The following SLC25A51 variants were observed in gnomAD, a reference collection of about 807,000 sequenced individuals.
SLC25A51 encodes the protein solute carrier family 25 member 51, also known as mitochondrial nicotinamide adenine dinucleotide transporter SLC25A51.
A neutral mutation model predicts 19.1 loss-of-function variants in SLC25A51; 11 were observed. That is an observed-to-expected ratio of 0.58 (90% CI 0.36 to 0.96). SLC25A51 has a LOEUF of 0.96. Among genes scored for constraint, SLC25A51 ranks in the 40% least tolerant of loss-of-function variants. SLC25A51 has a pLI of 0.01. For synonymous variants in SLC25A51, 105 were observed against 133.6 expected (o/e 0.79, Z 1.47); for missense variants, 201 against 365.4 (o/e 0.55, Z 3.67).
chr9:37,900,680 G>T (rs1831828061), intron 1 of SLC25A51, among the ~76,000 whole-genome samples: 1 of 151,934 alleles, frequency 6.6e-6, no homozygotes, highest in Non-Finnish European at 1.5e-5. Flanking sequence ...GCCTCCCAAA[G>T]TGCTGGGATT....
At chr9:37,885,459 C>T (rs10514828), downstream of SLC25A51, among the ~76,000 whole-genome samples, 8,147 of 150,980 alleles carry the variant, frequency 0.054, 565 homozygotes, top group African/African-American at 0.16. Context: ...CCTGGAGTTA[C>T]GACACCAACT....
At chr9:37,900,498 T>A (rs1288908283) in intron 1 of SLC25A51, among the ~76,000 whole-genome samples, 3 of 150,606 alleles carry the variant, frequency 2.0e-5, no homozygotes, top group Non-Finnish European at 4.4e-5. Flanking sequence ...CAGACTGGAG[T>A]ACGGTGGTAC....
intron 2 of SLC25A51, among the ~76,000 whole-genome samples, chr9:37,894,979 C>T (rs1831682996): frequency 6.6e-6 from 1 of 152,170 alleles, no homozygotes; most frequent in Non-Finnish European, 1.5e-5. Flanking sequence ...CATAGTATTC[C>T]ATGGTGTATG....
downstream of SLC25A51, among the ~76,000 whole-genome samples, chr9:37,882,747 C>G (rs1243573661): frequency 6.6e-6 from 1 of 152,184 alleles, no homozygotes; most frequent in African/African-American, 2.4e-5. Context: ...GTATAGGACA[C>G]AAGACCATAA....
At chr9:37,887,179 TG>T (rs1330435684), downstream of SLC25A51, among the ~76,000 whole-genome samples, 1 of 151,890 alleles carries the variant, frequency 6.6e-6, no homozygotes, top group Non-Finnish European at 1.5e-5. Context: ...TAGCTGGGCG[TG>T]GTGGCGGGCG....
At chr9:37,886,351 C>A (rs1831457708), downstream of SLC25A51, 2 of 1,612,694 alleles carry the variant, frequency 1.2e-6, no homozygotes, top group East Asian at 4.5e-5. Context: ...CTTCAACCCC[C>A]ACCACAGTGT....
downstream of SLC25A51, among the ~76,000 whole-genome samples, chr9:37,884,005 G>T (rs1335428380): frequency 2.6e-5 from 4 of 152,164 alleles, no homozygotes; most frequent in African/African-American, 2.4e-5. Flanking sequence ...TGGACTATTT[G>T]TCCAAGAACT....
At chr9:37,898,790 T>C (rs1345116311) in intron 2 of SLC25A51, among the ~76,000 whole-genome samples, 1 of 152,160 alleles carries the variant, frequency 6.6e-6, no homozygotes, top group Non-Finnish European at 1.5e-5. Context: ...ACTGAGAGAA[T>C]TTTCAAACAT....
At chr9:37,893,563 C>T (rs1156336030) in intron 2 of SLC25A51, among the ~76,000 whole-genome samples, 1 of 152,190 alleles carries the variant, frequency 6.6e-6, no homozygotes, top group African/African-American at 2.4e-5. Context: ...GCCATACCAC[C>T]TCTAAGGTCC....
chr9:37,887,573 TAAAAA>T, downstream of SLC25A51: 1 of 1,295,000 alleles, frequency 7.7e-7, no homozygotes, highest in Non-Finnish European at 1.0e-6. Context: ...GGATTTCCTT[TAAAAA>T]AAAAAAAAAA....
chr9:37,886,054 C>G, downstream of SLC25A51: 3 of 1,609,596 alleles, frequency 1.9e-6, no homozygotes, highest in Admixed American at 1.7e-5. Context: ...TTAAGTACAA[C>G]TGTACAGGGC....
At chr9:37,884,834 G>A (rs192077309), downstream of SLC25A51, among the ~76,000 whole-genome samples, 2 of 152,286 alleles carry the variant, frequency 1.3e-5, no homozygotes, top group Admixed American at 1.3e-4. Flanking sequence ...AATGAAATAA[G>A]TGAAATTATA....
At chr9:37,888,648 G>C (rs1831515764) in intron 2 of SLC25A51, 56 bp from the exon 3 acceptor site, 1 of 1,342,652 alleles carries the variant, frequency 7.4e-7, no homozygotes, top group South Asian at 1.4e-5. Context: ...TAAACACATG[G>C]GCTTTCTCCC....
intron 2 of SLC25A51, among the ~76,000 whole-genome samples, chr9:37,896,824 G>A (rs1034957837): frequency 2.0e-5 from 3 of 152,088 alleles, no homozygotes; most frequent in Non-Finnish European, 4.4e-5. Context: ...GGTTCAGAAC[G>A]GTATTAACTT....
At chr9:37,886,142 A>C (rs1314817434), downstream of SLC25A51, 2 of 1,432,828 alleles carry the variant, frequency 1.4e-6, no homozygotes, top group African/African-American at 1.4e-5. Flanking sequence ...ACCCCTCACC[A>C]ATCAACTCCC....
chr9:37,892,699 G>A (rs1831620758), intron 2 of SLC25A51, among the ~76,000 whole-genome samples: 1 of 151,058 alleles, frequency 6.6e-6, no homozygotes, highest in Admixed American at 6.6e-5. Flanking sequence ...TCAGCCCTCT[G>A]AGTACCTGGG....
chr9:37,899,658 C>G (rs892014759), intron 2 of SLC25A51, among the ~76,000 whole-genome samples, 171 bp downstream of exon 2: 5 of 152,294 alleles, frequency 3.3e-5, no homozygotes, highest in African/African-American at 1.2e-4. Flanking sequence ...AGCCTTGGCA[C>G]TCAGATAAGT....
At chr9:37,890,022 T>A (rs189610794) in intron 2 of SLC25A51, among the ~76,000 whole-genome samples, 2 of 151,976 alleles carry the variant, frequency 1.3e-5, no homozygotes, top group African/African-American at 4.8e-5. Context: ...TATAAATATA[T>A]ACACACATAT....
At chr9:37,891,621 G>A (rs1036268301) in intron 2 of SLC25A51, among the ~76,000 whole-genome samples, 8 of 152,052 alleles carry the variant, frequency 5.3e-5, no homozygotes, top group Non-Finnish European at 1.0e-4. Flanking sequence ...TAAGGGCGGT[G>A]CAAGATGTGC....
Sources: allele counts gnomAD v4.1 joint callset (sites outside exome capture counted in the v4.1 genomes callset), GRCh38; gene constraint gnomAD v4.1.1; transcripts MANE v1.5; gene names NCBI Gene and HGNC (gene_info 2026-07-23, HGNC 2026-07-21).